Variants in CHST15 observed in about 807,000 individuals in gnomAD.
The protein encoded by CHST15 is B cell RAG associated protein (GALNAC4S-6ST).
CHST15 carries 30 observed loss-of-function variants against 53.6 expected under a neutral mutation model. That is an observed-to-expected ratio of 0.56 (90% CI 0.42 to 0.76). The LOEUF is 0.76. Among genes scored for constraint, CHST15 ranks in the 30% least tolerant of loss-of-function variants. The pLI is 0.00. For missense variants in CHST15, 627 were observed against 740.5 expected (o/e 0.85, Z 1.78); for synonymous variants, 296 against 289.8 (o/e 1.02, Z -0.22).
chr10:124,074,211 G>C lies in CHST15; in HGVS notation c.-513+19258C>G, dbSNP rs775295976. Reference sequence around the variant, plus strand: ...TTTCCACTTCATTTCTGCAGGGCCAGTGCCCCCCGGCTGGGAAAGACACCG... The same window carrying C: ...TTTCCACTTCATTTCTGCAGGGCCACTGCCCCCCGGCTGGGAAAGACACCG... On this transcript the variant is annotated intron_variant, in intron 1 of 7. Coordinates refer to ENST00000435907, the MANE Select transcript of CHST15 (RefSeq NM_001270764.2). This position sits in a 1 kb window ranked among gnomAD's most constrained non-coding sequence, Gnocchi z 4.4. 6.6e-6 allele frequency among the ~76,000 whole-genome samples: 1 copy of C among 152,194 alleles called. No individual in the cohort carries two copies. The highest frequency in any genetic ancestry group is 1.5e-5 in the Non-Finnish European group (1 of 68,046).
intron 1 of CHST15, among the ~76,000 whole-genome samples, chr10:124,058,246 A>G (rs1948446908): frequency 6.6e-6 from 1 of 152,242 alleles, no homozygotes; most frequent in South Asian, 2.1e-4. Context: ...CAAAGCGAGG[A>G]CAGTCATATA....
At chr10:124,067,970 T>C (rs759760104) in intron 1 of CHST15, among the ~76,000 whole-genome samples, 1 of 152,174 alleles carries the variant, frequency 6.6e-6, no homozygotes, top group Non-Finnish European at 1.5e-5. Flanking sequence ...TCAAGTTTCA[T>C]TAAAGGTTGT....
In CHST15 at chr10:124,074,858, T is replaced by G. The variant is rs1467103973; in HGVS notation, c.-513+18611A>C. Among the ~76,000 whole-genome samples the G allele has an allele frequency of 1.3e-5, 2 of 152,230 alleles. No homozygotes were observed. The highest frequency in any genetic ancestry group is 6.5e-5 in the Admixed American group (1 of 15,294). On this transcript the variant is annotated intron_variant, in intron 1 of 7. Transcript: ENST00000435907. The surrounding 1 kb of genome is among the most constrained non-coding windows in gnomAD (Gnocchi z 4.4). ...TCCCAGCAGCCAGGGCTGACTTTCCTTTTGAATGCGGCTGTGCTAGGCAGT... is the reference window on the plus strand; with the variant it reads ...TCCCAGCAGCCAGGGCTGACTTTCCGTTTGAATGCGGCTGTGCTAGGCAGT...
chr10:124,079,856 C>T (rs1046295371), intron 1 of CHST15, among the ~76,000 whole-genome samples: 3 of 152,174 alleles, frequency 2.0e-5, no homozygotes, highest in Admixed American at 6.5e-5. Flanking sequence ...AAAGGGTTCC[C>T]GCTCCAGGAC....
intron 6 of CHST15, 117 bp downstream of exon 6, chr10:124,021,139 G>T: frequency 6.5e-7 from 1 of 1,528,440 alleles, no homozygotes; most frequent in Non-Finnish European, 8.8e-7. Flanking sequence ...ACATTAAAAC[G>T]CTTCTCTCTG....
At chr10:124,090,167 C>A (rs971950602) in intron 1 of CHST15, among the ~76,000 whole-genome samples, 1 of 152,200 alleles carries the variant, frequency 6.6e-6, no homozygotes, top group African/African-American at 2.4e-5. Flanking sequence ...AAGCTTCAGA[C>A]CTCCTGGAAG....
At chr10:124,056,773 G>A (rs543805735) in intron 1 of CHST15, among the ~76,000 whole-genome samples, 57 of 150,920 alleles carry the variant, frequency 3.8e-4, no homozygotes, top group Admixed American at 2.4e-3. Flanking sequence ...AGGCCCGTAC[G>A]ACCGGACACT....
chr10:124,011,126 A>G, intron 7 of CHST15: 1 of 969,948 alleles, frequency 1.0e-6, no homozygotes, highest in Non-Finnish European at 1.2e-6. Context: ...GCCCTGAAAC[A>G]GAACAGCAAG....
chr10:124,026,232 C>T (rs560239657), intron 5 of CHST15, among the ~76,000 whole-genome samples: 1 of 152,268 alleles, frequency 6.6e-6, no homozygotes, highest in African/African-American at 2.4e-5. Flanking sequence ...GGGGAGCACT[C>T]AGACAGGGGA....
rs1471775547 is a variant in CHST15, at chr10:124,036,501, C to G, written c.1190+2014G>C. Among the ~76,000 whole-genome samples the G allele has an allele frequency of 1.3e-5, 2 of 152,022 alleles. No homozygotes were observed. Among genetic ancestry groups the G allele is most frequent in the Admixed American group, 6.5e-5 (1 of 15,270 alleles). ...CTGAGGGAGGGCAGATCCAGCCTCT[C>G]CCTGACCAGGTCATACTCAGAGCAG... On this transcript the variant is annotated intron_variant, in intron 5 of 7. Transcript: ENST00000435907. This position sits in a 1 kb window ranked among gnomAD's most constrained non-coding sequence, Gnocchi z 5.1.
intron 1 of CHST15, among the ~76,000 whole-genome samples, chr10:124,048,764 G>A (rs1007923625): frequency 2.6e-5 from 4 of 152,180 alleles, no homozygotes; most frequent in African/African-American, 4.8e-5. Context: ...GCAGAAAATC[G>A]AATTAGATTC....
chr10:124,080,286 G>A (rs1433805593), intron 1 of CHST15, among the ~76,000 whole-genome samples: 1 of 152,112 alleles, frequency 6.6e-6, no homozygotes, highest in Non-Finnish European at 1.5e-5. Context: ...CCATCAACAG[G>A]TTCTCCCCTT....
rs138154971 is a variant in CHST15 at position 124,052,382 on chromosome 10, C to G, written c.-512-5658G>C. On this transcript the variant is annotated intron_variant, in intron 1 of 7. Transcript: ENST00000435907. Reference sequence around the variant, plus strand: ...TTTTGATCACATCCCAGTCAATAAGCAGAATAAAGCCACACCACTCCGTCA... The same window carrying G: ...TTTTGATCACATCCCAGTCAATAAGGAGAATAAAGCCACACCACTCCGTCA... 1.6e-3 allele frequency among the ~76,000 whole-genome samples: 238 copies of G among 152,270 alleles called. 2 individuals are homozygous for G. The highest frequency in any genetic ancestry group is 5.4e-3 in the African/African-American group (224 of 41,538).
intron 6 of CHST15, 109 bp downstream of exon 6, chr10:124,021,147 C>A (rs1946763787): frequency 6.5e-7 from 1 of 1,528,860 alleles, no homozygotes; most frequent in Admixed American, 2.1e-5. Flanking sequence ...ACGCTTCTCT[C>A]TGTTCCTATG....
intron 1 of CHST15, among the ~76,000 whole-genome samples, chr10:124,089,420 T>C (rs1949535791): frequency 6.6e-6 from 1 of 152,110 alleles, no homozygotes; most frequent in African/African-American, 2.4e-5. Flanking sequence ...CCTGAACGTG[T>C]AGATGGGAAA....
chr10:124,042,341 G>A lies in CHST15; in HGVS notation c.993C>T (p.Ser331=), dbSNP rs777948851. The A allele has an allele frequency of 2.5e-6, 4 of 1,614,024 alleles. No individual in the cohort carries two copies. In the African/African-American group the frequency reaches 4.0e-5, roughly 16 times the overall value. ...TCATCTTGCTCTGCTCCTTTGCAGA[G>A]CTGGCCTGCAGTCCTTGATGGATCT... is the stretch of plus-strand genomic sequence containing the variant. The part of the protein sequence containing the change: ...AHQIHQGLQA[S]SAKEQSKMNT... The change falls in exon 4 of 8, where the codon AGC becomes AGT. Residue 331 remains serine (S), a synonymous_variant. Transcript: ENST00000435907.
chr10:124,012,279 A>G, intron 7 of CHST15, 54 bp downstream of exon 7: 1 of 1,576,746 alleles, frequency 6.3e-7, no homozygotes, highest in African/African-American at 1.3e-5. Context: ...GACTCCCAGA[A>G]CAAGTCCACG....
intron 1 of CHST15, among the ~76,000 whole-genome samples, chr10:124,079,631 A>G (rs761651164): frequency 6.2e-4 from 94 of 152,306 alleles, no homozygotes; most frequent in Middle Eastern, 3.4e-3. Context: ...CTGCAACAAG[A>G]GGACAACCAA....
At chr10:124,043,372 T>A (rs9422262) in intron 3 of CHST15, among the ~76,000 whole-genome samples, 1 of 152,260 alleles carries the variant, frequency 6.6e-6, no homozygotes, top group Admixed American at 6.5e-5. Flanking sequence ...GCTCCTACAG[T>A]GGCGGCTGCT....
Sources: gnomAD v4.1 joint callset for allele counts (sites outside exome capture counted in the v4.1 genomes callset) on GRCh38, gnomAD v4.1.1 for gene constraint, Gnocchi (gnomAD v3.1) non-coding constraint, MANE v1.5 for transcripts, NCBI Gene and HGNC (gene_info 2026-07-23, HGNC 2026-07-21) for gene names.